The following PKP4 variants were observed in gnomAD, a reference collection of about 807,000 sequenced individuals.
PKP4 encodes the protein plakophilin-4.
In PKP4, 90 loss-of-function variants were observed where a neutral mutation model predicts 145.1. That is an observed-to-expected ratio of 0.62 (90% CI 0.52 to 0.74). The LOEUF (loss-of-function observed/expected upper bound fraction) is 0.74, where lower values mean the gene tolerates loss of function less well. Among genes scored for constraint, PKP4 ranks in the 30% least tolerant of loss-of-function variants. The pLI, the probability that PKP4 is intolerant of heterozygous loss-of-function variation, is 0.00. For missense variants in PKP4, 1,340 were observed against 1,482.7 expected (o/e 0.90, Z 1.58); for synonymous variants, 563 against 577.2 (o/e 0.98, Z 0.35).
rs548078674 is a variant in PKP4 at position 158,646,999 on chromosome 2, A to T, written c.1909+4300A>T. 3.8e-4 allele frequency among the ~76,000 whole-genome samples: 58 copies of T among 152,254 alleles called. 2 individuals carry two copies. The South Asian group carries it at 0.012, about 30-fold the overall frequency. ...TACAAAAAGACCAGTTCCACCCTAGATCCAGCCACCAGCACTCCTAACCAA... is the reference window on the plus strand; with the variant it reads ...TACAAAAAGACCAGTTCCACCCTAGTTCCAGCCACCAGCACTCCTAACCAA... On this transcript the variant is annotated intron_variant, in intron 11 of 21. Transcript: ENST00000389759.
chr2:158,638,286 T>C (rs1338171286), intron 9 of PKP4, among the ~76,000 whole-genome samples: 1 of 152,224 alleles, frequency 6.6e-6, no homozygotes, highest in Non-Finnish European at 1.5e-5. Context: ...AGTAAAAGTA[T>C]ATAAAATATT....
intron 16 of PKP4, among the ~76,000 whole-genome samples, chr2:158,668,418 A>C (rs2057296598): frequency 6.6e-6 from 1 of 152,114 alleles, no homozygotes; most frequent in South Asian, 2.1e-4. Context: ...AAAGAAGCAA[A>C]GTTTTATCAC....
intron 3 of PKP4, among the ~76,000 whole-genome samples, chr2:158,599,328 TGTG>T (rs1558865246): frequency 6.6e-6 from 1 of 152,146 alleles, no homozygotes; most frequent in Non-Finnish European, 1.5e-5. Context: ...GTGATAGCCA[TGTG>T]TCAGATACTG....
chr2:158,651,517 C>T (rs563519690), intron 11 of PKP4, among the ~76,000 whole-genome samples: 2 of 152,094 alleles, frequency 1.3e-5, no homozygotes, highest in East Asian at 1.9e-4. Flanking sequence ...CTTCTGTGAC[C>T]TCCTGCCAGC....
At chr2:158,499,463 TAGAG>T (rs1459660131) in intron 1 of PKP4, among the ~76,000 whole-genome samples, 1 of 152,208 alleles carries the variant, frequency 6.6e-6, no homozygotes, top group Admixed American at 6.5e-5. Context: ...TTTCCAGCTA[TAGAG>T]AAACTGTAAC....
intron 8 of PKP4, 69 bp from the exon 9 acceptor site, chr2:158,634,001 T>C (rs1349273803): frequency 2.4e-6 from 2 of 845,438 alleles, no homozygotes; most frequent in South Asian, 1.8e-5. Context: ...ATTAAAAATG[T>C]TTTACCTTTA....
chr2:158,661,543 C>T (rs892039633), intron 13 of PKP4, 93 bp downstream of exon 13: 32 of 808,422 alleles, frequency 4.0e-5, no homozygotes, highest in Non-Finnish European at 4.9e-5. Context: ...TTCTGACCTG[C>T]GGATCCTGTC....
Position 158,586,974 on chromosome 2 carries a change from A to G in PKP4, c.245+9591A>G, listed in dbSNP as rs540883728. Reference sequence around the variant, plus strand: ...TAAGCTAAAAATGTCACCATGAAGAATTTTAAACAATATATCTTTTATGAG... The same window carrying G: ...TAAGCTAAAAATGTCACCATGAAGAGTTTTAAACAATATATCTTTTATGAG... On this transcript the variant is annotated intron_variant, in intron 3 of 21. Transcript: ENST00000389759. 1.5e-4 allele frequency among the ~76,000 whole-genome samples: 23 copies of G among 152,372 alleles called. No homozygotes were observed. The South Asian group carries it at 4.8e-3, about 32-fold the overall frequency.
rs556086557 is a variant in PKP4, at chr2:158,529,129, G to T, written c.-5-4051G>T. ...GCTACCTTCAGAGGCAATCAGTTCT[G>T]GAAATTTTAAGCATTTTACCATTAG... is the stretch of plus-strand genomic sequence containing the variant. On this transcript the variant is annotated intron_variant, in intron 1 of 21. Transcript: ENST00000389759. Among the ~76,000 whole-genome samples the T allele has an allele frequency of 1.8e-3, 274 of 152,258 alleles. No homozygotes were observed. The Middle Eastern group carries it at 0.024, about 13-fold the overall frequency.
At chr2:158,671,113 T>G (rs2057520924) in intron 17 of PKP4, among the ~76,000 whole-genome samples, 1 of 152,194 alleles carries the variant, frequency 6.6e-6, no homozygotes, top group African/African-American at 2.4e-5. Context: ...TTCGGTTCAC[T>G]GCTATATCCT....
intron 1 of PKP4, among the ~76,000 whole-genome samples, chr2:158,480,802 CCTAT>C (rs1240063648): frequency 5.1e-4 from 78 of 152,158 alleles, no homozygotes; most frequent in African/African-American, 1.8e-3. Flanking sequence ...AATCACCATC[CCTAT>C]CTAATTCCAG....
At chr2:158,571,172 C>G (rs1364967065) in intron 2 of PKP4, among the ~76,000 whole-genome samples, 2 of 152,172 alleles carry the variant, frequency 1.3e-5, no homozygotes, top group African/African-American at 2.4e-5. Context: ...GCAGCTACTC[C>G]TGAATTAGCT....
intron 1 of PKP4, among the ~76,000 whole-genome samples, chr2:158,462,645 G>A (rs1379957649): frequency 6.6e-6 from 1 of 152,196 alleles, no homozygotes; most frequent in East Asian, 1.9e-4. Context: ...CAGGGAAAGT[G>A]CTTGGGATTT....
intron 4 of PKP4, among the ~76,000 whole-genome samples, chr2:158,604,719 G>T (rs2050510416): frequency 6.6e-6 from 1 of 152,160 alleles, no homozygotes. Flanking sequence ...GATTTGAGAT[G>T]ATTAAAGGGC....
chr2:158,543,772 G>A lies in PKP4; in HGVS notation c.132+10456G>A, dbSNP rs527653749. Among the ~76,000 whole-genome samples, 200 of 152,246 alleles carry A rather than the reference G, an allele frequency of 1.3e-3. 1 individual carries two copies. The highest frequency in any genetic ancestry group is 4.6e-3 in the African/African-American group (190 of 41,548). On this transcript the variant is annotated intron_variant, in intron 2 of 21. Transcript: ENST00000389759. ...GTTTTCAAATGTAATGCATTAAAAGGTCGTAACTCCCTTGGGAGAAGAGCA... is the reference window on the plus strand; with the variant it reads ...GTTTTCAAATGTAATGCATTAAAAGATCGTAACTCCCTTGGGAGAAGAGCA...
At chr2:158,638,434 A>G (rs1422704386) in intron 9 of PKP4, among the ~76,000 whole-genome samples, 1 of 152,210 alleles carries the variant, frequency 6.6e-6, no homozygotes, top group East Asian at 1.9e-4. Flanking sequence ...CAGAAATGGA[A>G]GGACCCAAGA....
At chr2:158,506,749 T>C (rs2041015018) in intron 1 of PKP4, among the ~76,000 whole-genome samples, 3 of 152,226 alleles carry the variant, frequency 2.0e-5, no homozygotes, top group Admixed American at 2.0e-4. Flanking sequence ...TGAAATAATT[T>C]GGAATATTCT....
At chr2:158,513,278 T>C (rs1303968286) in intron 1 of PKP4, among the ~76,000 whole-genome samples, 1 of 152,164 alleles carries the variant, frequency 6.6e-6, no homozygotes, top group African/African-American at 2.4e-5. Flanking sequence ...TTTTTCTGAT[T>C]TTCTTCTCTT....
intron 13 of PKP4, chr2:158,662,653 A>G (rs1348114471): frequency 1.5e-5 from 5 of 342,464 alleles, no homozygotes; most frequent in Non-Finnish European, 2.6e-5. Context: ...CGGAGCCTCA[A>G]GCATTTCGGT....
Sources: gnomAD v4.1 joint callset for allele counts (sites outside exome capture counted in the v4.1 genomes callset) on GRCh38, gnomAD v4.1.1 for gene constraint, MANE v1.5 for transcripts, NCBI Gene and HGNC (gene_info 2026-07-23, HGNC 2026-07-21) for gene names.